Variants in ZDHHC3 observed in about 807,000 individuals in gnomAD.
The protein encoded by ZDHHC3 is zDHHC palmitoyltransferase 3.
In ZDHHC3, 9 loss-of-function variants were observed where a neutral mutation model predicts 30.6. The observed-to-expected ratio is 0.29, with a 90% CI of 0.18 to 0.51. The LOEUF (loss-of-function observed/expected upper bound fraction) is 0.51, where lower values mean the gene tolerates loss of function less well. Ranked by LOEUF, ZDHHC3 falls within the 20% of genes least tolerant of loss-of-function variation. ZDHHC3 has a pLI of 0.97. For missense variants in ZDHHC3, 246 were observed against 384.2 expected, an observed-to-expected ratio of 0.64 and a Z score of 3.01; for synonymous variants, 136 against 140.2, an observed-to-expected ratio of 0.97 and a Z score of 0.21.
chr3:44,939,121 T>A (rs1028706539), intron 3 of ZDHHC3, among the ~76,000 whole-genome samples: 1 of 152,126 alleles, frequency 6.6e-6, no homozygotes. Flanking sequence ...AATGGGTATA[T>A]CTCAGACATG....
At chr3:44,946,156 T>C (rs567789244) in intron 2 of ZDHHC3, among the ~76,000 whole-genome samples, 40 of 152,344 alleles carry the variant, frequency 2.6e-4, no homozygotes, top group African/African-American at 8.2e-4. Context: ...TTATGAATAA[T>C]TGTAATCTAT....
intron 1 of ZDHHC3, among the ~76,000 whole-genome samples, chr3:44,961,702 T>G (rs1048122895): frequency 2.0e-5 from 3 of 152,246 alleles, no homozygotes; most frequent in African/African-American, 7.2e-5. Flanking sequence ...ATTCAAAAGC[T>G]GATTGAAGCT....
chr3:44,919,206 G>T lies in ZDHHC3; in HGVS notation c.*7483C>A. On this transcript the variant is annotated 3_prime_UTR_variant, in exon 7 of 7. Coordinates refer to ENST00000424952, the MANE Select transcript of ZDHHC3 (RefSeq NM_001135179.2). ...TAATAGCAGGGAAGAAACATTGCACGTACCACCTTCACCCAATGATCAAAG... is the reference window on the plus strand; with the variant it reads ...TAATAGCAGGGAAGAAACATTGCACTTACCACCTTCACCCAATGATCAAAG... 1.7e-6 allele frequency: 1 copy of T among 588,132 alleles called. No homozygotes were observed. The allele number at this position is 588,132 out of a possible 1,614,324, so 36.4% of individuals were successfully genotyped here.
Position 44,920,033 on chromosome 3 carries a change from G to A in ZDHHC3, c.*6656C>T, listed in dbSNP as rs567422424. 8.5e-7 allele frequency: 1 copy of A among 1,176,486 alleles called. No homozygotes were observed. Among genetic ancestry groups the A allele is most frequent in the East Asian group, 5.9e-5 (1 of 17,028 alleles). The allele number at this position is 1,176,486 out of a possible 1,614,324, so 72.9% of individuals were successfully genotyped here. On this transcript the variant is annotated 3_prime_UTR_variant, in exon 7 of 7. Coordinates refer to ENST00000424952, the MANE Select transcript of ZDHHC3 (RefSeq NM_001135179.2). ...ACATGACATTAGAACATTTGTCTGA[G>A]TGGTTACTTTTGGGGATGGAATTCT...
At chr3:44,941,055 C>T (rs1702401172) in intron 3 of ZDHHC3, among the ~76,000 whole-genome samples, 1 of 152,186 alleles carries the variant, frequency 6.6e-6, no homozygotes, top group Non-Finnish European at 1.5e-5. Flanking sequence ...GAGCCAAGCC[C>T]AGGGCCCCCT....
chr3:44,971,098 T>A lies in ZDHHC3; in HGVS notation c.-25+4835A>T, dbSNP rs555926679. On this transcript the variant is annotated intron_variant, in intron 1 of 6. Coordinates refer to ENST00000424952, the MANE Select transcript of ZDHHC3 (RefSeq NM_001135179.2). ...GCTACTATTTCTTGGTTTAGAAACA[T>A]ACACTTCACATACTGAAGACTTTAC... Among the ~76,000 whole-genome samples, 6 of 152,336 alleles carry A rather than the reference T, an allele frequency of 3.9e-5. 1 individual carries two copies. Among genetic ancestry groups the A allele is most frequent in the African/African-American group, 1.4e-4 (6 of 41,576 alleles).
chr3:44,956,022 C>A (rs1703923283), intron 2 of ZDHHC3, among the ~76,000 whole-genome samples: 1 of 152,208 alleles, frequency 6.6e-6, no homozygotes, highest in Non-Finnish European at 1.5e-5. Context: ...ACAGTCTGTG[C>A]CTCTCACTGC....
chr3:44,951,610 C>A (rs1365632750), intron 2 of ZDHHC3, among the ~76,000 whole-genome samples: 1 of 152,128 alleles, frequency 6.6e-6, no homozygotes, highest in Admixed American at 6.5e-5. Context: ...GCCCTCAGGG[C>A]CCCCATACCA....
Position 44,924,268 on chromosome 3 carries a change from C to T in ZDHHC3, c.*2421G>A. On this transcript the variant is annotated 3_prime_UTR_variant, in exon 7 of 7. Transcript: ENST00000424952. Reference sequence around the variant, plus strand: ...TTTCCCTTCCTGTCCTGTGTGGAAGCCAGGCTGGGAACCAATCACTACCCT... The same window carrying T: ...TTTCCCTTCCTGTCCTGTGTGGAAGTCAGGCTGGGAACCAATCACTACCCT... The T allele has an allele frequency of 1.0e-6, 1 of 985,440 alleles. No homozygotes were observed. The highest frequency in any genetic ancestry group is 1.2e-6 in the Non-Finnish European group (1 of 829,934). 61.0% of individuals were successfully genotyped at this position (985,440 alleles called of 1,614,324 possible).
chr3:44,941,418 C>T (rs1047904042), intron 3 of ZDHHC3, among the ~76,000 whole-genome samples: 6 of 152,154 alleles, frequency 3.9e-5, no homozygotes, highest in African/African-American at 1.4e-4. Context: ...CTCAGCAGAA[C>T]TACTCTGATC....
intron 2 of ZDHHC3, among the ~76,000 whole-genome samples, chr3:44,953,579 G>A (rs1011561723): frequency 2.0e-5 from 3 of 152,120 alleles, no homozygotes; most frequent in Admixed American, 6.5e-5. Flanking sequence ...ATCAAAGCCC[G>A]TGCACACCCA....
At chr3:44,933,328 A>AC in intron 4 of ZDHHC3, 129 bp from the exon 5 acceptor site, 2 of 793,058 alleles carry the variant, frequency 2.5e-6, no homozygotes, top group Non-Finnish European at 4.2e-6. Flanking sequence ...ACCAGGAGGG[A>AC]CCAGAGGGCC....
rs908114454 is a variant in ZDHHC3 at position 44,944,894 on chromosome 3, T to C, written c.431+274A>G. On this transcript the variant is annotated intron_variant, in intron 3 of 6. Transcript: ENST00000424952. ...TTTACATATATAAAAACAAAGGCCCTGCCCAGGTCCTATGTCAGGTGTGGC... is the reference window on the plus strand; with the variant it reads ...TTTACATATATAAAAACAAAGGCCCCGCCCAGGTCCTATGTCAGGTGTGGC... 4.6e-5 allele frequency among the ~76,000 whole-genome samples: 7 copies of C among 152,320 alleles called. No individual in the cohort carries two copies. In the East Asian group the frequency reaches 1.4e-3, roughly 29 times the overall value.
At chr3:44,948,951 G>C (rs1703193671) in intron 2 of ZDHHC3, among the ~76,000 whole-genome samples, 1 of 152,254 alleles carries the variant, frequency 6.6e-6, no homozygotes, top group African/African-American at 2.4e-5. Flanking sequence ...AGGAGCAGGA[G>C]ACAAGGAGGC....
intron 1 of ZDHHC3, among the ~76,000 whole-genome samples, chr3:44,963,500 C>CA (rs11446885): frequency 0.73 from 107,417 of 146,194 alleles, 39,574 homozygotes; most frequent in East Asian, 0.95. Context: ...AGAAATATGG[C>CA]AAAAAAAAAA....
chr3:44,929,125 G>A (rs1471278585), intron 6 of ZDHHC3, among the ~76,000 whole-genome samples, 181 bp downstream of exon 6: 2 of 152,196 alleles, frequency 1.3e-5, no homozygotes, highest in African/African-American at 2.4e-5. Context: ...CCCCAAGGCT[G>A]GAGGACTTGT....
At position 44,926,684 on chromosome 3, in the gene ZDHHC3, G is replaced by A. The variant is rs1381480908; in HGVS notation, c.*5C>T. 1.3e-6 allele frequency: 2 copies of A among 1,590,652 alleles called. No homozygotes were observed. Among genetic ancestry groups the A allele is most frequent in the African/African-American group, 1.4e-5 (1 of 73,844 alleles). On this transcript the variant is annotated 3_prime_UTR_variant, in exon 7 of 7. Transcript: ENST00000424952. Reference sequence around the variant, plus strand: ...TGTCTGAGTGGCCATGCCGGTCGGGGTCCTTCAGACCACATACTGGTACGG... The same window carrying A: ...TGTCTGAGTGGCCATGCCGGTCGGGATCCTTCAGACCACATACTGGTACGG...
rs1700820990 is a variant in ZDHHC3, at chr3:44,924,325, G to C, written c.*2364C>G. ...GATGGCTACATTCCTCAGTCATTGT[G>C]CTCTTGGCAAAATATCAGTCTGAAC... On this transcript the variant is annotated 3_prime_UTR_variant, in exon 7 of 7. Transcript: ENST00000424952. 1 of 985,304 alleles carries C rather than the reference G, an allele frequency of 1.0e-6. No individual in the cohort carries two copies. Among genetic ancestry groups the C allele is most frequent in the Non-Finnish European group, 1.2e-6 (1 of 829,940 alleles). The allele number at this position is 985,304 out of a possible 1,614,324, so 61.0% of individuals were successfully genotyped here. A position where few individuals can be genotyped will look rare whatever the true frequency, so the allele number is the denominator to read the frequency against.
chr3:44,955,608 A>G (rs555266403), intron 2 of ZDHHC3, among the ~76,000 whole-genome samples: 1 of 152,258 alleles, frequency 6.6e-6, no homozygotes, highest in African/African-American at 2.4e-5. Context: ...GATATAAAAC[A>G]TAATCCCATT....
Sources: gnomAD v4.1 joint callset for allele counts (sites outside exome capture counted in the v4.1 genomes callset) on GRCh38, gnomAD v4.1.1 for gene constraint, MANE v1.5 for transcripts, NCBI Gene and HGNC (gene_info 2026-07-23, HGNC 2026-07-21) for gene names.